The following SORCS3 variants were observed in gnomAD, a reference collection of about 807,000 sequenced individuals.
SORCS3 encodes the protein sortilin related VPS10 domain containing receptor 3.
SORCS3 carries 57 observed loss-of-function variants against 146.3 expected under a neutral mutation model. The observed-to-expected ratio is 0.39, with a 90% CI of 0.31 to 0.49. The LOEUF (loss-of-function observed/expected upper bound fraction) is 0.49, where lower values mean the gene tolerates loss of function less well. Among genes scored for constraint, SORCS3 ranks in the 20% least tolerant of loss-of-function variants. The pLI, the probability that SORCS3 is intolerant of heterozygous loss-of-function variation, is 0.92. For missense variants in SORCS3, 1,341 were observed against 1,575.5 expected (o/e 0.85, Z 2.52); for synonymous variants, 653 against 618.5 (o/e 1.06, Z -0.83).
intron 3 of SORCS3, among the ~76,000 whole-genome samples, chr10:104,972,636 A>C (rs932740000): frequency 6.7e-6 from 1 of 150,178 alleles, no homozygotes; most frequent in East Asian, 2.0e-4. Flanking sequence ...GAGAGAGAGA[A>C]AGAGAGAGAG....
chr10:104,654,973 C>T (rs1365988623), intron 1 of SORCS3, among the ~76,000 whole-genome samples: 4 of 152,202 alleles, frequency 2.6e-5, no homozygotes, highest in African/African-American at 4.8e-5. Context: ...TAGTTTTAGG[C>T]AGGTTGCATT....
At chr10:104,735,043 G>T (rs1043636588) in intron 1 of SORCS3, among the ~76,000 whole-genome samples, 2 of 152,122 alleles carry the variant, frequency 1.3e-5, no homozygotes, top group Non-Finnish European at 2.9e-5. Context: ...ATTTGGTTTA[G>T]AAATTATTTC....
chr10:104,828,566 A>G (rs913683805), intron 1 of SORCS3, among the ~76,000 whole-genome samples: 3 of 152,188 alleles, frequency 2.0e-5, no homozygotes, highest in African/African-American at 7.2e-5. Flanking sequence ...GAGAATTTCC[A>G]AAATGTGACG....
intron 1 of SORCS3, among the ~76,000 whole-genome samples, chr10:104,800,163 A>G (rs1224254637): frequency 6.6e-6 from 1 of 152,134 alleles, no homozygotes; most frequent in Non-Finnish European, 1.5e-5. Flanking sequence ...CTATTAAGCC[A>G]TGAAAATATA....
intron 1 of SORCS3, among the ~76,000 whole-genome samples, chr10:104,649,048 G>A (rs183456748): frequency 1.4e-4 from 22 of 152,254 alleles, no homozygotes; most frequent in Admixed American, 4.6e-4. Context: ...AAGCTATGTA[G>A]GATAATCAAG....
At chr10:105,012,661 A>ATT (rs1227441347) in intron 4 of SORCS3, among the ~76,000 whole-genome samples, 5 of 152,238 alleles carry the variant, frequency 3.3e-5, no homozygotes, top group Non-Finnish European at 7.4e-5. Flanking sequence ...CTCCACACAC[A>ATT]TATCTATGAG....
intron 1 of SORCS3, among the ~76,000 whole-genome samples, chr10:104,663,585 G>A (rs1158998737): frequency 6.6e-6 from 1 of 152,136 alleles, no homozygotes; most frequent in African/African-American, 2.4e-5. Flanking sequence ...ACATTTTCTG[G>A]ATCAAAGCTT....
At chr10:105,112,214 GT>G (rs1352741783) in intron 7 of SORCS3, among the ~76,000 whole-genome samples, 4 of 151,562 alleles carry the variant, frequency 2.6e-5, no homozygotes, top group African/African-American at 9.7e-5. Context: ...CTTTTTGTTT[GT>G]TTGTTTGTTT....
chr10:104,780,159 A>G (rs1369832658), intron 1 of SORCS3, among the ~76,000 whole-genome samples: 3 of 151,572 alleles, frequency 2.0e-5, no homozygotes, highest in Non-Finnish European at 4.4e-5. Flanking sequence ...TTAAGCCACA[A>G]CGGAGCAATT....
At chr10:104,713,906 G>A (rs748902611) in intron 1 of SORCS3, among the ~76,000 whole-genome samples, 7 of 152,070 alleles carry the variant, frequency 4.6e-5, no homozygotes, top group Non-Finnish European at 1.0e-4. Flanking sequence ...TTTTTGGAAG[G>A]TTTATTATTG....
chr10:105,021,174 A>G (rs2055195362), intron 4 of SORCS3, among the ~76,000 whole-genome samples: 1 of 152,140 alleles, frequency 6.6e-6, no homozygotes. Flanking sequence ...TTATAAACAA[A>G]TTTATTGTCT....
At chr10:105,044,415 A>C (rs1371932707) in intron 5 of SORCS3, among the ~76,000 whole-genome samples, 1 of 152,100 alleles carries the variant, frequency 6.6e-6, no homozygotes, top group African/African-American at 2.4e-5. Context: ...CTCAAAAAAA[A>C]ATTTTTGTTA....
At chr10:105,002,452 C>T (rs767004581) in intron 4 of SORCS3, among the ~76,000 whole-genome samples, 15 of 152,164 alleles carry the variant, frequency 9.9e-5, no homozygotes, top group Non-Finnish European at 1.9e-4. Flanking sequence ...CATGAAATGC[C>T]TACCCTGCAT....
chr10:104,701,180 T>A (rs916385530), intron 1 of SORCS3, among the ~76,000 whole-genome samples: 1 of 152,206 alleles, frequency 6.6e-6, no homozygotes, highest in African/African-American at 2.4e-5. Context: ...AAGCAATGTT[T>A]AGCATTTACC....
At chr10:105,199,051 G>A (rs2056559450) in intron 14 of SORCS3, among the ~76,000 whole-genome samples, 1 of 152,106 alleles carries the variant, frequency 6.6e-6, no homozygotes, top group African/African-American at 2.4e-5. Context: ...GGGCAGAGGA[G>A]AATCCAGGGC....
At chr10:104,790,556 A>G (rs2017485153) in intron 1 of SORCS3, among the ~76,000 whole-genome samples, 1 of 152,152 alleles carries the variant, frequency 6.6e-6, no homozygotes, top group Non-Finnish European at 1.5e-5. Flanking sequence ...TCCGGATGAA[A>G]ACAAATCTCT....
intron 3 of SORCS3, among the ~76,000 whole-genome samples, chr10:104,951,424 C>A (rs2019427790): frequency 6.6e-6 from 1 of 152,126 alleles, no homozygotes; most frequent in Non-Finnish European, 1.5e-5. Flanking sequence ...CCTCTAGCTC[C>A]TGGGCCCAAG....
At chr10:104,785,087 C>A (rs540861649) in intron 1 of SORCS3, among the ~76,000 whole-genome samples, 20 of 152,214 alleles carry the variant, frequency 1.3e-4, no homozygotes, top group African/African-American at 4.8e-4. Context: ...CTGACCCCCC[C>A]CCACCTCCCT....
intron 8 of SORCS3, among the ~76,000 whole-genome samples, chr10:105,143,175 T>G (rs1456354441): frequency 1.3e-5 from 2 of 152,214 alleles, no homozygotes; most frequent in Non-Finnish European, 2.9e-5. Flanking sequence ...ACATCTTTAT[T>G]GCTTTTCACC....
Sources: allele counts gnomAD v4.1 joint callset (sites outside exome capture counted in the v4.1 genomes callset), GRCh38; gene constraint gnomAD v4.1.1; transcripts MANE v1.5; gene names NCBI Gene and HGNC (gene_info 2026-07-23, HGNC 2026-07-21).